PLXDC2: variants seen among roughly 807,000 people sequenced by gnomAD.
PLXDC2 encodes plexin domain containing 2, also known as plexin domain-containing protein 2.
PLXDC2 carries 40 observed loss-of-function variants against 68.9 expected under a neutral mutation model. The ratio of observed to expected loss-of-function variants is 0.58; its 90% CI spans 0.45 to 0.76. The LOEUF is 0.76. Among genes scored for constraint, PLXDC2 ranks in the 30% least tolerant of loss-of-function variants. PLXDC2 has a pLI of 0.00. For synonymous variants in PLXDC2, 243 were observed against 234.2 expected (o/e 1.04, Z -0.34); for missense variants, 644 against 661.9 (o/e 0.97, Z 0.30).
intron 1 of PLXDC2, among the ~76,000 whole-genome samples, chr10:19,880,508 A>T (rs986991481): frequency 6.6e-6 from 1 of 152,212 alleles, no homozygotes; most frequent in African/African-American, 2.4e-5. Flanking sequence ...CTCTCTCAAG[A>T]TATTTTATTG....
intron 1 of PLXDC2, among the ~76,000 whole-genome samples, chr10:19,909,662 T>A (rs1477782529): frequency 5.9e-5 from 9 of 152,244 alleles, no homozygotes; most frequent in Admixed American, 5.9e-4. Flanking sequence ...CAGTATTCAG[T>A]GTAGTAGGGA....
In PLXDC2 at chr10:20,184,031, A is replaced by G. The variant is rs564392338; in HGVS notation, c.1061+6622A>G. On this transcript the variant is annotated intron_variant, in intron 9 of 13. Transcript: ENST00000377252. ...CCATGATTCCATCCATTAAAAGAAT[A>G]AACAGAATAAGCCCCTCCTTATTAA... 3.5e-4 allele frequency among the ~76,000 whole-genome samples: 49 copies of G among 141,306 alleles called. 1 individual carries two copies. The South Asian group carries it at 0.01, about 29-fold the overall frequency. 92.7% of individuals were successfully genotyped at this position (141,306 alleles called of 152,430 possible).
At chr10:20,020,915 T>C (rs954359785) in intron 2 of PLXDC2, among the ~76,000 whole-genome samples, 1 of 152,116 alleles carries the variant, frequency 6.6e-6, no homozygotes, top group Non-Finnish European at 1.5e-5. Context: ...AAATAAAACC[T>C]GGAAAGGAAA....
chr10:20,128,405 A>G (rs1438639636), intron 4 of PLXDC2, among the ~76,000 whole-genome samples: 1 of 152,172 alleles, frequency 6.6e-6, no homozygotes, highest in East Asian at 1.9e-4. Context: ...TATATATTTA[A>G]GATGCACAAT....
chr10:20,042,673 G>A (rs1466523344), intron 2 of PLXDC2, among the ~76,000 whole-genome samples: 1 of 152,106 alleles, frequency 6.6e-6, no homozygotes, highest in African/African-American at 2.4e-5. Context: ...GCAATGTGAG[G>A]CATTCATAAA....
intron 1 of PLXDC2, among the ~76,000 whole-genome samples, chr10:19,930,517 G>A (rs1833610360): frequency 6.6e-6 from 1 of 152,110 alleles, no homozygotes; most frequent in Non-Finnish European, 1.5e-5. Context: ...CAGGCATACT[G>A]GGCCTGTTCT....
intron 1 of PLXDC2, among the ~76,000 whole-genome samples, chr10:19,845,286 G>A (rs61841510): frequency 1.3e-5 from 2 of 152,234 alleles, no homozygotes; most frequent in Non-Finnish European, 2.9e-5. Context: ...TGCAGCTTTG[G>A]AGAGACAATT....
rs555650875 is a variant in PLXDC2, at chr10:19,828,425, A to G, written c.112+11234A>G. Among the ~76,000 whole-genome samples the G allele has an allele frequency of 1.0e-3, 156 of 152,288 alleles. 1 individual carries two copies. Among genetic ancestry groups the G allele is most frequent in the African/African-American group, 3.5e-3 (147 of 41,564 alleles). On this transcript the variant is annotated intron_variant, in intron 1 of 13. Transcript: ENST00000377252. ...GGTACAATTTTGTTGTTTGATTTGA[A>G]AATGTGAACTCCACCTCCAGCTCAG...
In PLXDC2 at chr10:20,248,755, G is replaced by A. The variant is rs76102810; in HGVS notation, c.1473+3250G>A. On this transcript the variant is annotated intron_variant, in intron 13 of 13. Transcript: ENST00000377252. ...TGACCATGGTTTGTGATATGCAGAC[G>A]CGTGGATTTAAGATTTTTGAATTAT... 1.6e-3 allele frequency among the ~76,000 whole-genome samples: 240 copies of A among 152,280 alleles called. 8 individuals carry two copies. In the East Asian group the frequency reaches 0.041, roughly 26 times the overall value.
intron 4 of PLXDC2, among the ~76,000 whole-genome samples, chr10:20,076,779 G>A (rs1489425469): frequency 6.6e-6 from 1 of 152,150 alleles, no homozygotes; most frequent in African/African-American, 2.4e-5. Context: ...AAGTAGAATA[G>A]CATGTAAATA....
At chr10:20,090,028 A>G (rs1261885261) in intron 4 of PLXDC2, among the ~76,000 whole-genome samples, 1 of 152,096 alleles carries the variant, frequency 6.6e-6, no homozygotes, top group Admixed American at 6.5e-5. Flanking sequence ...TATCATTGCC[A>G]GTGGCACCGC....
chr10:20,221,458 T>A (rs939141687), intron 12 of PLXDC2, among the ~76,000 whole-genome samples: 17 of 152,186 alleles, frequency 1.1e-4, no homozygotes. Context: ...CAATTAGACT[T>A]CAGACTCTTC....
chr10:20,176,873 A>G (rs1296404990), intron 7 of PLXDC2, 126 bp from the exon 8 acceptor site: 1 of 638,072 alleles, frequency 1.6e-6, no homozygotes, highest in East Asian at 2.8e-5. Flanking sequence ...GTCTTCTCAC[A>G]GGATGAGGCT....
chr10:20,198,652 A>C (rs962683794), intron 9 of PLXDC2, among the ~76,000 whole-genome samples: 25 of 152,122 alleles, frequency 1.6e-4, no homozygotes, highest in African/African-American at 5.8e-4. Flanking sequence ...TTAGCTTTTC[A>C]ACTTTCCAAC....
At chr10:19,845,102 T>A (rs1306381350) in intron 1 of PLXDC2, among the ~76,000 whole-genome samples, 1 of 152,008 alleles carries the variant, frequency 6.6e-6, no homozygotes, top group East Asian at 1.9e-4. Flanking sequence ...TCATAGGGAG[T>A]TGCCCACCCC....
chr10:20,259,641 A>G (rs1023589746), intron 13 of PLXDC2, among the ~76,000 whole-genome samples: 2 of 152,238 alleles, frequency 1.3e-5, no homozygotes, highest in African/African-American at 4.8e-5. Flanking sequence ...CAAGGTGTCT[A>G]GCAGGACTGG....
In PLXDC2 at chr10:20,167,612, G is replaced by A. The variant is rs560825581; in HGVS notation, c.883+3045G>A. Among the ~76,000 whole-genome samples, 476 of 152,226 alleles carry A rather than the reference G, an allele frequency of 3.1e-3. 1 individual carries two copies. Among genetic ancestry groups the A allele is most frequent in the African/African-American group, 9.1e-3 (379 of 41,558 alleles). ...GAACAACTGATTATTATTCTAAGTAGTGAGTAGTTTCATTTCTTCTGTATT... is the reference window on the plus strand; with the variant it reads ...GAACAACTGATTATTATTCTAAGTAATGAGTAGTTTCATTTCTTCTGTATT... On this transcript the variant is annotated intron_variant, in intron 7 of 13. Transcript: ENST00000377252.
At chr10:19,925,321 T>A (rs757049600) in intron 1 of PLXDC2, among the ~76,000 whole-genome samples, 1 of 152,192 alleles carries the variant, frequency 6.6e-6, no homozygotes, top group African/African-American at 2.4e-5. Flanking sequence ...AAGTGGGCCT[T>A]GTGTGGACAG....
chr10:20,090,355 T>C (rs975851090), intron 4 of PLXDC2, among the ~76,000 whole-genome samples: 4 of 152,106 alleles, frequency 2.6e-5, no homozygotes, highest in African/African-American at 9.7e-5. Flanking sequence ...GAAATGGTAA[T>C]AGAGGATTAG....
Sources: gnomAD v4.1 joint callset for allele counts (sites outside exome capture counted in the v4.1 genomes callset) on GRCh38, gnomAD v4.1.1 for gene constraint, MANE v1.5 for transcripts, NCBI Gene and HGNC (gene_info 2026-07-23, HGNC 2026-07-21) for gene names.